TMEM132D: variants seen among roughly 807,000 people sequenced by gnomAD.
The protein encoded by TMEM132D is transmembrane protein 132D.
In TMEM132D, 21 loss-of-function variants were observed where a neutral mutation model predicts 62.3. That is an observed-to-expected ratio of 0.34 (90% CI 0.24 to 0.49). The LOEUF (loss-of-function observed/expected upper bound fraction) is 0.49, where lower values mean the gene tolerates loss of function less well. Ranked by LOEUF, TMEM132D falls within the 20% of genes least tolerant of loss-of-function variation. The pLI, the probability that TMEM132D is intolerant of heterozygous loss-of-function variation, is 0.99. For synonymous variants in TMEM132D, 621 were observed against 575.6 expected (o/e 1.08, Z -1.13); for missense variants, 1,346 against 1,402.8 (o/e 0.96, Z 0.65).
chr12:129,584,428 C>T (rs554464704), intron 2 of TMEM132D, among the ~76,000 whole-genome samples: 23 of 152,332 alleles, frequency 1.5e-4, no homozygotes, highest in South Asian at 4.1e-4. Flanking sequence ...GCCACTTTCA[C>T]GACCTTCGAG....
Position 129,246,598 on chromosome 12 carries a change from A to T in TMEM132D, c.1300-36935T>A, listed in dbSNP as rs546898062. 2.7e-3 allele frequency among the ~76,000 whole-genome samples: 408 copies of T among 152,164 alleles called. 1 individual carries two copies. The highest frequency in any genetic ancestry group is 9.2e-3 in the African/African-American group (380 of 41,502). On this transcript the variant is annotated intron_variant, in intron 4 of 8. Transcript: ENST00000422113. ...TCGTGAACACCTGTCTCTTCTAAAA[A>T]TACAAAAATGAGCCGGATGTGGTGG...
At chr12:129,901,779 C>T (rs2137403360) in intron 1 of TMEM132D, among the ~76,000 whole-genome samples, 1 of 152,166 alleles carries the variant, frequency 6.6e-6, no homozygotes, top group African/African-American at 2.4e-5. Context: ...CAAAGCTATT[C>T]TGTACCTTTC....
intron 2 of TMEM132D, among the ~76,000 whole-genome samples, chr12:129,647,034 A>T (rs887597187): frequency 6.6e-6 from 1 of 151,792 alleles, no homozygotes; most frequent in East Asian, 1.9e-4. Flanking sequence ...CACTGACCTC[A>T]GGTGATCCAC....
At chr12:129,577,717 C>CA (rs1877712398) in intron 2 of TMEM132D, among the ~76,000 whole-genome samples, 1 of 149,570 alleles carries the variant, frequency 6.7e-6, no homozygotes, top group African/African-American at 2.6e-5. Flanking sequence ...CTCAAATGTT[C>CA]AAAAAATTTC....
chr12:129,526,496 G>A (rs920981326), intron 3 of TMEM132D, among the ~76,000 whole-genome samples: 17 of 152,044 alleles, frequency 1.1e-4, no homozygotes, highest in African/African-American at 3.1e-4. Flanking sequence ...TATTGGCCAG[G>A]ATGGTCTCGA....
chr12:129,282,129 G>A (rs897511106), intron 4 of TMEM132D, among the ~76,000 whole-genome samples: 24 of 152,130 alleles, frequency 1.6e-4, no homozygotes, highest in African/African-American at 5.8e-4. Context: ...TGAAGTCAGA[G>A]CTACAACATC....
At chr12:129,894,730 GTTTCT>G (rs3047696) in intron 1 of TMEM132D, among the ~76,000 whole-genome samples, 55,675 of 151,370 alleles carry the variant, frequency 0.37, 10,590 homozygotes, top group African/African-American at 0.48. Flanking sequence ...TTCCTTGTTG[GTTTCT>G]TGTAGTTTCT....
chr12:129,675,969 T>C (rs964229010), intron 2 of TMEM132D, among the ~76,000 whole-genome samples: 1 of 152,236 alleles, frequency 6.6e-6, no homozygotes, highest in Non-Finnish European at 1.5e-5. Context: ...AATCTTCCGG[T>C]GCCTTCAAAT....
At chr12:129,330,093 CTGAGA>C (rs1869055138) in intron 4 of TMEM132D, among the ~76,000 whole-genome samples, 1 of 152,040 alleles carries the variant, frequency 6.6e-6, no homozygotes, top group African/African-American at 2.4e-5. Context: ...GAAGATGCAG[CTGAGA>C]TAAGGAGGGA....
intron 2 of TMEM132D, among the ~76,000 whole-genome samples, chr12:129,571,465 C>T (rs543540673): frequency 9.9e-5 from 15 of 152,004 alleles, no homozygotes; most frequent in South Asian, 6.2e-4. Context: ...CCAGCTACTC[C>T]GGAGGCTGAG....
At chr12:129,225,170 T>C (rs980151089) in intron 4 of TMEM132D, among the ~76,000 whole-genome samples, 3 of 152,200 alleles carry the variant, frequency 2.0e-5, no homozygotes, top group Non-Finnish European at 4.4e-5. Flanking sequence ...GTTTCCATGC[T>C]ATTGGGTTGA....
rs2137404938 is a variant in TMEM132D at position 129,903,233 on chromosome 12, C to T, written c.79+28G>A. On this transcript the variant is annotated intron_variant, in intron 1 of 8. Coordinates refer to ENST00000422113, the MANE Select transcript of TMEM132D (RefSeq NM_133448.3). This position sits in a 1 kb window ranked among gnomAD's most constrained non-coding sequence, Gnocchi z 6.2. The stretch of plus-strand genomic sequence containing the variant: ...ACTCACTCCAGGCGAAGTTAGTCCC[C>T]GGGCCCTGGCGGCCGCGGCGTCCTC... 1 of 1,551,132 alleles carries T rather than the reference C, an allele frequency of 6.4e-7. No individual in the cohort carries two copies. The highest frequency in any genetic ancestry group is 1.2e-5 in the South Asian group (1 of 84,056).
intron 2 of TMEM132D, among the ~76,000 whole-genome samples, chr12:129,583,000 G>A (rs944288656): frequency 6.6e-6 from 1 of 152,108 alleles, no homozygotes; most frequent in Non-Finnish European, 1.5e-5. Context: ...CACGAGCTCA[G>A]CTCACTGCAA....
intron 1 of TMEM132D, among the ~76,000 whole-genome samples, chr12:129,813,527 A>G (rs1450275060): frequency 1.3e-5 from 2 of 151,176 alleles, no homozygotes; most frequent in African/African-American, 4.9e-5. Flanking sequence ...CTGCCCTCCC[A>G]CATTCACTGC....
At chr12:129,186,131 G>T (rs772197153) in intron 5 of TMEM132D, among the ~76,000 whole-genome samples, 6 of 152,144 alleles carry the variant, frequency 3.9e-5, no homozygotes, top group African/African-American at 7.2e-5. Flanking sequence ...GCTGCGGGGA[G>T]TCCACCCAAG....
At chr12:129,808,214 C>T (rs915738438) in intron 1 of TMEM132D, among the ~76,000 whole-genome samples, 2 of 152,190 alleles carry the variant, frequency 1.3e-5, no homozygotes, top group East Asian at 1.9e-4. Context: ...TCTCTCTCAT[C>T]GTCTCTAACG....
chr12:129,602,231 A>G (rs1397481829), intron 2 of TMEM132D, among the ~76,000 whole-genome samples: 1 of 152,186 alleles, frequency 6.6e-6, no homozygotes, highest in East Asian at 1.9e-4. Context: ...TATTATATCC[A>G]CACTATAGGC....
At chr12:129,492,592 G>C (rs910444037) in intron 3 of TMEM132D, among the ~76,000 whole-genome samples, 1 of 152,164 alleles carries the variant, frequency 6.6e-6, no homozygotes, top group Non-Finnish European at 1.5e-5. Context: ...CTCATTAGAA[G>C]TTCTGTTTTC....
chr12:129,717,818 T>C lies in TMEM132D; in HGVS notation c.80-17120A>G, dbSNP rs567845328. On this transcript the variant is annotated intron_variant, in intron 1 of 8. Coordinates refer to ENST00000422113, the MANE Select transcript of TMEM132D (RefSeq NM_133448.3). ...GGATCCAAGAACTCTAGCAATGCCA[T>C]CTCTTGTGGCCCTCGCAGGGCTGTC... 7.9e-5 allele frequency among the ~76,000 whole-genome samples: 12 copies of C among 152,230 alleles called. No homozygotes were observed. The East Asian group carries it at 2.1e-3, about 27-fold the overall frequency.
Sources: allele counts gnomAD v4.1 joint callset (sites outside exome capture counted in the v4.1 genomes callset), GRCh38; gene constraint gnomAD v4.1.1; non-coding constraint Gnocchi (gnomAD v3.1); transcripts MANE v1.5; gene names NCBI Gene and HGNC (gene_info 2026-07-23, HGNC 2026-07-21).